The following MPPED1 variants were observed in gnomAD, a reference collection of about 807,000 sequenced individuals.
MPPED1 encodes metallophosphoesterase domain-containing protein 1.
In MPPED1, 16 loss-of-function variants were observed where a neutral mutation model predicts 36.2. That is an observed-to-expected ratio of 0.44 (90% CI 0.30 to 0.67). The LOEUF (loss-of-function observed/expected upper bound fraction) is 0.67, where lower values mean the gene tolerates loss of function less well. Ranked by LOEUF, MPPED1 falls within the 30% of genes least tolerant of loss-of-function variation. The pLI is 0.10. For missense variants in MPPED1, 307 were observed against 453.4 expected, an observed-to-expected ratio of 0.68 and a Z score of 2.93; for synonymous variants, 199 against 191.3, an observed-to-expected ratio of 1.04 and a Z score of -0.33.
Position 43,495,335 on chromosome 22 carries a change from G to A in MPPED1, c.633-2900G>A, listed in dbSNP as rs1932235853. On this transcript the variant is annotated intron_variant, in intron 4 of 6. Transcript: ENST00000443721. ...GATGGTGGTGGTGATGGTGGTGGTA[G>A]TGATGGAGGTGTTGATGGAGGTGAT... Among the ~76,000 whole-genome samples the A allele has an allele frequency of 3.4e-5, 5 of 148,452 alleles. No homozygotes were observed. The South Asian group carries it at 1.1e-3, about 32-fold the overall frequency.
intron 3 of MPPED1, among the ~76,000 whole-genome samples, chr22:43,458,427 A>G: frequency 6.6e-6 from 1 of 152,012 alleles, no homozygotes; most frequent in Non-Finnish European, 1.5e-5. Context: ...CTGGGATTAC[A>G]GGCACGTGCC....
intron 3 of MPPED1, 84 bp downstream of exon 3, chr22:43,435,299 T>TCCCTCCTGCGCTGCCCGGGCC: frequency 6.9e-7 from 1 of 1,449,816 alleles, no homozygotes; most frequent in South Asian, 1.3e-5. Context: ...TGCCTGCCTT[T>TCCCTCCTGCGCTGCCCGGGCC]CCCTCCTGCG....
At chr22:43,449,429 C>CG (rs1491024592) in intron 3 of MPPED1, among the ~76,000 whole-genome samples, 1 of 136,522 alleles carries the variant, frequency 7.3e-6, no homozygotes. Context: ...CCAACCCCCC[C>CG]CGCCCCCCCT....
At chr22:43,483,041 T>C (rs1602003200) in intron 4 of MPPED1, among the ~76,000 whole-genome samples, 1 of 152,242 alleles carries the variant, frequency 6.6e-6, no homozygotes, top group Admixed American at 6.5e-5. Context: ...ATTTTATGGC[T>C]GAGAGGTCTG....
At position 43,425,107 on chromosome 22, in the gene MPPED1, G is replaced by A. The variant is rs938722264; in HGVS notation, c.122G>A (p.Ser41Asn). The A allele has an allele frequency of 6.2e-7, 1 of 1,613,732 alleles. No individual in the cohort carries two copies. The highest frequency in any genetic ancestry group is 8.5e-7 in the Non-Finnish European group (1 of 1,179,912). ...HVMAARRHQH[S>N]RLIIEVDEYS... Reference sequence around the variant, plus strand: ...ATGGCCGCTCGGCGGCACCAGCACAGCCGGCTCATCATCGAGGTGGACGAG... The same window carrying A: ...ATGGCCGCTCGGCGGCACCAGCACAACCGGCTCATCATCGAGGTGGACGAG... Residue 41 changes from serine (S) to asparagine (N), a missense_variant, in exon 2 of 7, where the codon AGC becomes AAC. By Grantham distance (46) the Ser-to-Asn change is conservative. This residue lies in a region of MPPED1 where 169 missense variants were observed against 212.3 expected (regional missense o/e 0.80). Coordinates refer to ENST00000443721, the MANE Select transcript of MPPED1 (RefSeq NM_001044370.2).
chr22:43,446,372 C>T (rs1930346204), intron 3 of MPPED1, among the ~76,000 whole-genome samples: 1 of 152,026 alleles, frequency 6.6e-6, no homozygotes. Flanking sequence ...AGAAGACAGG[C>T]TGTGGATAAA....
At chr22:43,459,287 G>A (rs1268145792) in intron 3 of MPPED1, among the ~76,000 whole-genome samples, 1 of 152,102 alleles carries the variant, frequency 6.6e-6, no homozygotes, top group Non-Finnish European at 1.5e-5. Context: ...TGCCATGATG[G>A]GGTATTGCCA....
intron 1 of MPPED1, 91 bp from the exon 2 acceptor site, chr22:43,424,816 GC>G (rs112728625): frequency 0.13 from 186,753 of 1,404,872 alleles, 13,343 homozygotes; most frequent in Non-Finnish European, 0.15. Flanking sequence ...CTCTCCCCCC[GC>G]CCTCTCCCTC....
intron 3 of MPPED1, among the ~76,000 whole-genome samples, chr22:43,467,579 T>C (rs1349423109): frequency 6.6e-6 from 1 of 151,980 alleles, no homozygotes; most frequent in Non-Finnish European, 1.5e-5. Context: ...TCCATCCTGG[T>C]GTGTTTCTAG....
At chr22:43,477,987 G>T (rs1931630818) in intron 4 of MPPED1, among the ~76,000 whole-genome samples, 1 of 152,202 alleles carries the variant, frequency 6.6e-6, no homozygotes, top group Admixed American at 6.5e-5. Flanking sequence ...TATTACTGGG[G>T]TGCTCCTTGG....
At chr22:43,469,019 T>G (rs1159672330) in intron 3 of MPPED1, among the ~76,000 whole-genome samples, 2 of 152,174 alleles carry the variant, frequency 1.3e-5, no homozygotes, top group Non-Finnish European at 2.9e-5. Context: ...GCTTTTTCTT[T>G]AGCTTCCCCA....
At chr22:43,479,061 G>A (rs184542860) in intron 4 of MPPED1, among the ~76,000 whole-genome samples, 33 of 152,290 alleles carry the variant, frequency 2.2e-4, no homozygotes, top group African/African-American at 7.5e-4. Flanking sequence ...GGTGTCGAGT[G>A]GGGTGTGGGG....
At chr22:43,497,488 G>A (rs1369622835) in intron 4 of MPPED1, among the ~76,000 whole-genome samples, 2 of 152,052 alleles carry the variant, frequency 1.3e-5, no homozygotes, top group Admixed American at 6.5e-5. Flanking sequence ...TTATACACAG[G>A]GATGATAGTA....
At chr22:43,463,107 T>C (rs1931011880) in intron 3 of MPPED1, among the ~76,000 whole-genome samples, 1 of 152,146 alleles carries the variant, frequency 6.6e-6, no homozygotes, top group South Asian at 2.1e-4. Flanking sequence ...AAAATTCCAC[T>C]GCTGTTGGGA....
intron 2 of MPPED1, among the ~76,000 whole-genome samples, chr22:43,429,448 C>T (rs1929597590): frequency 6.6e-6 from 1 of 152,244 alleles, no homozygotes; most frequent in Non-Finnish European, 1.5e-5. Context: ...TTCCAGTCTT[C>T]CTCCTGCCTC....
intron 3 of MPPED1, among the ~76,000 whole-genome samples, chr22:43,461,885 T>C (rs1930969353): frequency 6.6e-6 from 1 of 152,172 alleles, no homozygotes; most frequent in African/African-American, 2.4e-5. Context: ...ATTAATAATA[T>C]TGCCTGTTTT....
At chr22:43,468,160 C>A (rs1569079517) in intron 3 of MPPED1, among the ~76,000 whole-genome samples, 1 of 152,210 alleles carries the variant, frequency 6.6e-6, no homozygotes, top group Non-Finnish European at 1.5e-5. Context: ...ACTTAAATGT[C>A]TTTGCAACAA....
chr22:43,504,153 T>C (rs1173237717), intron 6 of MPPED1, among the ~76,000 whole-genome samples: 2 of 152,106 alleles, frequency 1.3e-5, no homozygotes, highest in African/African-American at 4.8e-5. Flanking sequence ...TCAATGATGA[T>C]GATGATGATA....
intron 3 of MPPED1, 78 bp downstream of exon 3, chr22:43,435,293 T>C: frequency 6.8e-7 from 1 of 1,471,688 alleles, no homozygotes; most frequent in Non-Finnish European, 9.1e-7. Flanking sequence ...GCTGCCTGCC[T>C]GCCTTTCCCT....
Sources: allele counts gnomAD v4.1 joint callset (sites outside exome capture counted in the v4.1 genomes callset), GRCh38; gene constraint gnomAD v4.1.1; regional missense constraint gnomAD v4.1.1; transcripts MANE v1.5; gene names NCBI Gene and HGNC (gene_info 2026-07-23, HGNC 2026-07-21).